The following CACNA2D3 variants were observed in gnomAD, a reference collection of about 807,000 sequenced individuals.
CACNA2D3 encodes voltage-dependent calcium channel subunit alpha-2/delta-3.
In CACNA2D3, 60 loss-of-function variants were observed where a neutral mutation model predicts 160.6. The observed-to-expected ratio is 0.37, with a 90% CI of 0.30 to 0.46. The LOEUF is 0.46. CACNA2D3 is among the 20% of genes least tolerant of loss of function. The probability of loss-of-function intolerance (pLI) is 1.00; values close to 1 mark genes in which losing one functional copy is unlikely to be tolerated. For missense variants in CACNA2D3, 1,205 were observed against 1,365.0 expected, an observed-to-expected ratio of 0.88 and a Z score of 1.85; for synonymous variants, 558 against 492.9, an observed-to-expected ratio of 1.13 and a Z score of -1.75.
At position 55,073,795 on chromosome 3, in the gene CACNA2D3, G is replaced by T. The variant is rs778851723; in HGVS notation, c.3119G>T (p.Cys1040Phe). 6.2e-7 allele frequency: 1 copy of T among 1,613,416 alleles called. No homozygotes were observed. ...IEIRYNESLK[C>F]ERLKAQKIRR... ...AGTCAACATAATGAATCCCTTAAGT[G>T]TGAACGTCTAAAGGCCCAGAAGATC... is the stretch of plus-strand genomic sequence containing the variant. Residue 1040 changes from cysteine (C) to phenylalanine (F), a missense_variant, in exon 37 of 38, where the codon TGT becomes TTT. Physicochemically the swap from Cys to Phe is radical, Grantham distance 205. This residue lies in a region of CACNA2D3 where 911 missense variants were observed against 1,002.2 expected (regional missense o/e 0.91). Coordinates refer to ENST00000474759, the MANE Select transcript of CACNA2D3 (RefSeq NM_018398.3).
At chr3:54,800,301 A>C (rs1702956005) in intron 13 of CACNA2D3, among the ~76,000 whole-genome samples, 1 of 152,290 alleles carries the variant, frequency 6.6e-6, no homozygotes, top group South Asian at 2.1e-4. Flanking sequence ...AGGAAATACA[A>C]ATGCATCCTT....
At chr3:54,614,998 C>T (rs1291782947) in intron 9 of CACNA2D3, among the ~76,000 whole-genome samples, 1 of 152,152 alleles carries the variant, frequency 6.6e-6, no homozygotes, top group Non-Finnish European at 1.5e-5. Flanking sequence ...TCATTGATCA[C>T]CTTCGGACCA....
At chr3:54,504,762 C>A (rs577691900) in intron 5 of CACNA2D3, among the ~76,000 whole-genome samples, 6 of 152,284 alleles carry the variant, frequency 3.9e-5, no homozygotes, top group African/African-American at 1.4e-4. Context: ...CCTGATCTTC[C>A]TCTTGTAGGC....
intron 5 of CACNA2D3, among the ~76,000 whole-genome samples, chr3:54,538,083 G>T (rs1701916730): frequency 6.6e-6 from 1 of 152,082 alleles, no homozygotes; most frequent in Non-Finnish European, 1.5e-5. Context: ...GAGGTGATCT[G>T]GGCTCTGGTA....
intron 27 of CACNA2D3, among the ~76,000 whole-genome samples, chr3:54,913,211 T>C (rs1700594467): frequency 6.6e-6 from 1 of 152,190 alleles, no homozygotes; most frequent in South Asian, 2.1e-4. Context: ...GGCTCCTGTG[T>C]AGCTGGGATC....
At chr3:54,993,228 A>G (rs951209539) in intron 31 of CACNA2D3, among the ~76,000 whole-genome samples, 2 of 152,230 alleles carry the variant, frequency 1.3e-5, no homozygotes, top group Non-Finnish European at 1.5e-5. Context: ...TACTGATGCT[A>G]GGGCAAAACA....
At chr3:54,936,838 A>G (rs1034996519) in intron 27 of CACNA2D3, among the ~76,000 whole-genome samples, 2 of 152,202 alleles carry the variant, frequency 1.3e-5, no homozygotes, top group African/African-American at 4.8e-5. Flanking sequence ...GTGTTCAACA[A>G]GCAAGCTCCT....
At chr3:54,419,104 G>A (rs6445657) in intron 4 of CACNA2D3, among the ~76,000 whole-genome samples, 51,449 of 152,022 alleles carry the variant, frequency 0.34, 9,034 homozygotes, top group African/African-American at 0.41. Flanking sequence ...TGCCAAAGAG[G>A]AAAAGTGACA....
At chr3:54,711,241 A>T (rs996194973) in intron 11 of CACNA2D3, among the ~76,000 whole-genome samples, 1 of 152,206 alleles carries the variant, frequency 6.6e-6, no homozygotes, top group Non-Finnish European at 1.5e-5. Flanking sequence ...ACTGTGCCTC[A>T]GCGCTCCACA....
chr3:54,350,488 CTACTT>C (rs1271844263), intron 3 of CACNA2D3, among the ~76,000 whole-genome samples: 2 of 152,180 alleles, frequency 1.3e-5, no homozygotes, highest in Non-Finnish European at 2.9e-5. Context: ...GTACCACTGA[CTACTT>C]TAGGATTAGC....
intron 17 of CACNA2D3, among the ~76,000 whole-genome samples, chr3:54,868,623 G>A (rs919261620): frequency 3.9e-5 from 6 of 152,048 alleles, no homozygotes; most frequent in Non-Finnish European, 7.4e-5. Context: ...GTTCTTTAGC[G>A]CAGGTATGAA....
At chr3:54,652,407 A>G (rs1405185069) in intron 11 of CACNA2D3, among the ~76,000 whole-genome samples, 3 of 152,198 alleles carry the variant, frequency 2.0e-5, no homozygotes, top group Non-Finnish European at 2.9e-5. Flanking sequence ...TAACCAGCAA[A>G]TGAAAAGACC....
intron 17 of CACNA2D3, among the ~76,000 whole-genome samples, chr3:54,869,309 T>C (rs2106816501): frequency 6.6e-6 from 1 of 152,334 alleles, no homozygotes; most frequent in Middle Eastern, 3.4e-3. Flanking sequence ...TTATTTAACT[T>C]GTGAGAACCT....
At chr3:54,690,511 C>T (rs894633726) in intron 11 of CACNA2D3, among the ~76,000 whole-genome samples, 2 of 152,128 alleles carry the variant, frequency 1.3e-5, no homozygotes, top group Non-Finnish European at 2.9e-5. Context: ...TCATCATCAT[C>T]ATTACTTTTA....
At chr3:54,891,099 T>C (rs1700054991) in intron 24 of CACNA2D3, among the ~76,000 whole-genome samples, 1 of 152,108 alleles carries the variant, frequency 6.6e-6, no homozygotes, top group Admixed American at 6.6e-5. Context: ...ATGCTGCTTT[T>C]GTTGGCAGGA....
intron 4 of CACNA2D3, among the ~76,000 whole-genome samples, chr3:54,484,388 A>C (rs1236383778): frequency 6.6e-6 from 1 of 152,098 alleles, no homozygotes; most frequent in Non-Finnish European, 1.5e-5. Flanking sequence ...TTGAGTTATC[A>C]CCTTTTTTTT....
At chr3:54,527,197 A>G (rs140706536) in intron 5 of CACNA2D3, among the ~76,000 whole-genome samples, 2 of 152,282 alleles carry the variant, frequency 1.3e-5, no homozygotes, top group African/African-American at 4.8e-5. Flanking sequence ...TTTAGATTAT[A>G]TCTCCAATGA....
At chr3:54,272,372 T>G (rs1702639354) in intron 2 of CACNA2D3, among the ~76,000 whole-genome samples, 1 of 152,190 alleles carries the variant, frequency 6.6e-6, no homozygotes, top group African/African-American at 2.4e-5. Context: ...CTTCTGGGCT[T>G]GGGGAAGCTG....
At chr3:54,568,229 G>A (rs562630037) in intron 6 of CACNA2D3, among the ~76,000 whole-genome samples, 3 of 152,334 alleles carry the variant, frequency 2.0e-5, no homozygotes, top group Admixed American at 6.5e-5. Context: ...GAGAGAACCC[G>A]TGGGATATAG....
Sources: gnomAD v4.1 joint callset for allele counts (sites outside exome capture counted in the v4.1 genomes callset) on GRCh38, gnomAD v4.1.1 for gene constraint, gnomAD v4.1.1 regional missense constraint, MANE v1.5 for transcripts, NCBI Gene and HGNC (gene_info 2026-07-23, HGNC 2026-07-21) for gene names.